The following LPA variants were observed in gnomAD, a reference collection of about 807,000 sequenced individuals.
The protein encoded by LPA is lipoprotein(a).
A neutral mutation model predicts 197.9 loss-of-function variants in LPA; 199 were observed. The observed-to-expected ratio is 1.01, with a 90% confidence interval of 0.90 to 1.13. LPA has a LOEUF of 1.13. Ranked by LOEUF, LPA falls within the 50% of genes most tolerant of loss-of-function variation. The pLI, the probability that LPA is intolerant of heterozygous loss-of-function variation, is 0.00. For missense variants in LPA, 1,853 were observed against 1,785.8 expected (o/e 1.04, Z -0.68); for synonymous variants, 715 against 639.5 (o/e 1.12, Z -1.78).
At chr6:160,544,956 G>A (rs1025973990) in intron 33 of LPA, among the ~76,000 whole-genome samples, 1 of 152,132 alleles carries the variant, frequency 6.6e-6, no homozygotes, top group African/African-American at 2.4e-5. Context: ...GCCATCTGGG[G>A]CTAAAGAGCT....
intron 37 of LPA, among the ~76,000 whole-genome samples, chr6:160,537,423 T>G (rs1777910972): frequency 6.6e-6 from 1 of 152,154 alleles, no homozygotes; most frequent in African/African-American, 2.4e-5. Flanking sequence ...TCGTTACTGT[T>G]TTGCACCATG....
chr6:160,544,516 G>A (rs761211147), intron 33 of LPA, among the ~76,000 whole-genome samples: 2 of 152,118 alleles, frequency 1.3e-5, no homozygotes, highest in Non-Finnish European at 1.5e-5. Flanking sequence ...TGGCCCAAAT[G>A]TGACGATGGG....
intron 28 of LPA, among the ~76,000 whole-genome samples, chr6:160,576,159 T>G (rs1778654578): frequency 6.6e-6 from 1 of 151,716 alleles, no homozygotes; most frequent in East Asian, 1.9e-4. Context: ...GCTGTTATGC[T>G]TATACCTGCT....
At position 160,646,207 on chromosome 6, in the gene LPA, T is replaced by G; in HGVS notation, c.391+7A>C. The G allele has an allele frequency of 8.4e-5, 2 of 23,774 alleles. No individual in the cohort carries two copies. The highest frequency in any genetic ancestry group is 5.5e-4 in the South Asian group (2 of 3,604). 1.5% of individuals were successfully genotyped at this position (23,774 alleles called of 1,614,324 possible). A position where few individuals can be genotyped will look rare whatever the true frequency, so the allele number is the denominator to read the frequency against. Reference sequence around the variant, plus strand: ...AGCGTGTAGATGTCTGGCCACAGACTCCTTACCTTGTTCGGAAGGAGCCTC... The same window carrying G: ...AGCGTGTAGATGTCTGGCCACAGACGCCTTACCTTGTTCGGAAGGAGCCTC... On this transcript the variant is annotated splice_region_variant and intron_variant, in intron 3 of 38. Coordinates refer to ENST00000316300, the MANE Select transcript of LPA (RefSeq NM_005577.4).
intron 38 of LPA, among the ~76,000 whole-genome samples, chr6:160,532,314 C>T (rs1333956339): frequency 6.6e-6 from 1 of 152,122 alleles, no homozygotes; most frequent in Admixed American, 6.5e-5. Context: ...GCACTTACGG[C>T]TCCCTTGCTA....
chr6:160,578,388 G>C, intron 27 of LPA, 135 bp downstream of exon 27: 1 of 1,084,830 alleles, frequency 9.2e-7, no homozygotes, highest in Non-Finnish European at 1.4e-6. Flanking sequence ...ATCCCCCAGA[G>C]AGGGCGCTGA....
Position 160,640,665 on chromosome 6 carries a change from ACC to A in LPA, c.733_733+1del. ...GTAGATGTCTGGCCACAGACTCCTT[ACC>A]TTGTTCGGAAGGAGCCTCTAGGCTT... On this transcript the variant is annotated splice_donor_variant and coding_sequence_variant, in exon 5 of 39. Coordinates refer to ENST00000316300, the MANE Select transcript of LPA (RefSeq NM_005577.4). LOFTEE classifies it high-confidence loss of function. 8.8e-6 allele frequency: 2 copies of A among 227,618 alleles called. No homozygotes were observed. Among genetic ancestry groups the A allele is most frequent in the Non-Finnish European group, 1.5e-5 (2 of 135,860 alleles). 14.1% of individuals were successfully genotyped at this position (227,618 alleles called of 1,614,324 possible). A position where few individuals can be genotyped will look rare whatever the true frequency, so the allele number is the denominator to read the frequency against.
intron 16 of LPA, among the ~76,000 whole-genome samples, chr6:160,607,821 G>T (rs993533675): frequency 1.3e-5 from 2 of 152,052 alleles, no homozygotes; most frequent in Non-Finnish European, 2.9e-5. Flanking sequence ...TTCTTCCTTG[G>T]CTTCTCTCTT....
rs537767019 is a variant in LPA, at chr6:160,568,748, AG to A, written c.4631+8387del. 9.2e-5 allele frequency among the ~76,000 whole-genome samples: 14 copies of A among 152,390 alleles called. No individual in the cohort carries two copies. The South Asian group carries it at 2.9e-3, about 32-fold the overall frequency. ...TATATTTAGAAAACCCCATCTTCTC[AG>A]ACCAAAATCTCCTTAAGCTGATAAG... On this transcript the variant is annotated intron_variant, in intron 28 of 38. Coordinates refer to ENST00000316300, the MANE Select transcript of LPA (RefSeq NM_005577.4).
At chr6:160,646,930 A>G (rs1779894431) in intron 2 of LPA, among the ~76,000 whole-genome samples, 1 of 151,888 alleles carries the variant, frequency 6.6e-6, no homozygotes, top group Non-Finnish European at 1.5e-5. Flanking sequence ...CATGTACTCA[A>G]AACCTAGTGA....
At position 160,593,870 on chromosome 6, in the gene LPA, G is replaced by A. The variant is rs529347880; in HGVS notation, c.3629+88C>T. 461 of 1,499,034 alleles carry A rather than the reference G, an allele frequency of 3.1e-4. 3 individuals are homozygous for A. In the African/African-American group the frequency reaches 5.9e-3, roughly 19 times the overall value. The allele number at this position is 1,499,034 out of a possible 1,614,324, so 92.9% of individuals were successfully genotyped here. ...AACATTCCAGATCTGAGATAAATTT[G>A]TCATAAGAAGTTAGTTGGAAGCATG... On this transcript the variant is annotated intron_variant, in intron 22 of 38. Coordinates refer to ENST00000316300, the MANE Select transcript of LPA (RefSeq NM_005577.4).
At chr6:160,570,648 A>G (rs993817643) in intron 28 of LPA, among the ~76,000 whole-genome samples, 2 of 152,284 alleles carry the variant, frequency 1.3e-5, no homozygotes, top group Middle Eastern at 3.4e-3. Context: ...AGTAAAAAAG[A>G]ATGTTGAATA....
intron 1 of LPA, among the ~76,000 whole-genome samples, chr6:160,662,278 G>A (rs1413778520): frequency 2.0e-5 from 3 of 152,212 alleles, no homozygotes; most frequent in African/African-American, 7.2e-5. Context: ...TGAAGTAAAT[G>A]TATTTTATTA....
At chr6:160,535,090 G>A (rs890616802) in intron 37 of LPA, among the ~76,000 whole-genome samples, 10 of 147,996 alleles carry the variant, frequency 6.8e-5, no homozygotes, top group Non-Finnish European at 3.0e-5. Flanking sequence ...TTGTGATGAT[G>A]GTGATAGTGA....
chr6:160,586,763 T>A, intron 24 of LPA, 133 bp from the exon 25 acceptor site: 2 of 1,196,652 alleles, frequency 1.7e-6, no homozygotes, highest in South Asian at 1.3e-5. Flanking sequence ...CCCATAACAC[T>A]CACAAATGGT....
rs1175907986 is a variant in LPA, at chr6:160,641,085, C to G, written c.552-237G>C. 2.3e-4 allele frequency among the ~76,000 whole-genome samples: 32 copies of G among 138,020 alleles called. 1 individual carries two copies. Among genetic ancestry groups the G allele is most frequent in the South Asian group, 4.7e-4 (2 of 4,288 alleles). The allele number at this position is 138,020 out of a possible 152,430, so 90.5% of individuals were successfully genotyped here. ...TAAATAAAAAATCTAAAGTAGCAAA[C>G]GCTTCTTAGAAACACTGAGATAACA... On this transcript the variant is annotated intron_variant, in intron 4 of 38. Transcript: ENST00000316300.
chr6:160,538,995 A>G (rs1479405465), intron 36 of LPA, among the ~76,000 whole-genome samples: 1 of 152,154 alleles, frequency 6.6e-6, no homozygotes, highest in Non-Finnish European at 1.5e-5. Context: ...GAGATCAGCT[A>G]CTGTTTATAA....
At chr6:160,659,848 G>A (rs781269221) in intron 1 of LPA, among the ~76,000 whole-genome samples, 54 of 152,292 alleles carry the variant, frequency 3.5e-4, no homozygotes, top group African/African-American at 1.1e-3. Flanking sequence ...GAAGCTCCTC[G>A]CTCCCTCCTG....
chr6:160,554,118 T>C (rs1778216159), intron 30 of LPA, among the ~76,000 whole-genome samples: 1 of 152,156 alleles, frequency 6.6e-6, no homozygotes, highest in South Asian at 2.1e-4. Context: ...TAATTTCCAT[T>C]TGGTTGTTTT....
Sources: gnomAD v4.1 joint callset for allele counts (sites outside exome capture counted in the v4.1 genomes callset) on GRCh38, gnomAD v4.1.1 for gene constraint, MANE v1.5 for transcripts, NCBI Gene and HGNC (gene_info 2026-07-23, HGNC 2026-07-21) for gene names.